Variants in SEH1L observed in about 807,000 individuals in gnomAD.
The protein encoded by SEH1L is SEH1 like nucleoporin.
Under a neutral mutation model 49.5 loss-of-function variants are expected in SEH1L, and 18 were observed. That is an observed-to-expected ratio of 0.36 (90% CI 0.25 to 0.54). The LOEUF (loss-of-function observed/expected upper bound fraction) is 0.54, where lower values mean the gene tolerates loss of function less well. Among genes scored for constraint, SEH1L ranks in the 20% least tolerant of loss-of-function variants. SEH1L has a pLI of 0.87. For missense variants in SEH1L, 404 were observed against 528.8 expected (o/e 0.76, Z 2.31); for synonymous variants, 169 against 178.1 (o/e 0.95, Z 0.41).
chr18:12,979,041 T>TA, intron 6 of SEH1L, 149 bp downstream of exon 6: 1 of 775,882 alleles, frequency 1.3e-6, no homozygotes, highest in Non-Finnish European at 2.0e-6. Flanking sequence ...AAATGTTTTT[T>TA]AAAAATGGTC....
intron 3 of SEH1L, among the ~76,000 whole-genome samples, chr18:12,957,707 A>G (rs1288041755): frequency 6.6e-6 from 1 of 152,210 alleles, no homozygotes; most frequent in Non-Finnish European, 1.5e-5. Flanking sequence ...AAACAAAAGG[A>G]AGTGTGTAGT....
intron 6 of SEH1L, 108 bp from the exon 7 acceptor site, chr18:12,982,410 C>A: frequency 1.3e-6 from 1 of 750,418 alleles, no homozygotes; most frequent in Non-Finnish European, 2.1e-6. Flanking sequence ...GTGGCGAGAC[C>A]ACTTGTATTA....
Position 12,963,176 on chromosome 18 carries a change from T to C in SEH1L, c.326T>C (p.Leu109Pro), listed in dbSNP as rs2031276234. ...GQSHWVKRTT[L>P]VDSRTSVTDV... ...TTTTTTTAGGTTAAAAGGACAACTC[T>C]GGTGGATAGCAGAACATCTGTTACT... The change falls in exon 4 of 9, where the codon CTG becomes CCG. Residue 109 changes from leucine (L) to proline (P), a missense_variant. By Grantham distance (98) the Leu-to-Pro change is moderately conservative (BLOSUM62 -3). Transcript: ENST00000399892. The C allele has an allele frequency of 6.2e-7, 1 of 1,612,472 alleles. No homozygotes were observed. Among genetic ancestry groups the C allele is most frequent in the South Asian group, 1.1e-5 (1 of 90,868 alleles).
intron 8 of SEH1L, chr18:12,985,692 A>C (rs1440134037): frequency 8.4e-6 from 8 of 947,420 alleles, no homozygotes; most frequent in Non-Finnish European, 1.0e-5. Context: ...TTTTAATTTG[A>C]AGATTGAATA....
chr18:12,982,691 A>AGG lies in SEH1L; in HGVS notation c.919+19_919+20dup. The AGG allele has an allele frequency of 6.3e-7, 1 of 1,578,012 alleles. No homozygotes were observed. The highest frequency in any genetic ancestry group is 8.6e-7 in the Non-Finnish European group (1 of 1,159,964). Reference sequence around the variant, plus strand: ...TTGTGGAAAGGTAAGAGTTCAGTGAAGGGGTAATTGTTGGTTTATATTTCT... The same window carrying AGG: ...TTGTGGAAAGGTAAGAGTTCAGTGAAGGGGGGTAATTGTTGGTTTATATTTCT... On this transcript the variant is annotated intron_variant, in intron 7 of 8. Transcript: ENST00000399892.
intron 7 of SEH1L, 120 bp downstream of exon 7, chr18:12,982,795 ATTAAT>A (rs2032324140): frequency 3.0e-6 from 2 of 677,772 alleles, no homozygotes; most frequent in African/African-American, 5.4e-5. Flanking sequence ...TTAATGTCAT[ATTAAT>A]TTATGTTATT....
At chr18:12,969,750 G>C (rs12961596) in intron 4 of SEH1L, among the ~76,000 whole-genome samples, 59,059 of 150,842 alleles carry the variant, frequency 0.39, 11,790 homozygotes, top group Middle Eastern at 0.48. Flanking sequence ...TTTGTGGCCA[G>C]GTGTGGTGGT....
At chr18:12,958,879 C>G (rs1015113790) in intron 3 of SEH1L, among the ~76,000 whole-genome samples, 2 of 152,180 alleles carry the variant, frequency 1.3e-5, no homozygotes, top group African/African-American at 4.8e-5. Flanking sequence ...AGTAGAATTG[C>G]TGGCTCATAT....
chr18:12,980,380 C>T (rs574495378), intron 6 of SEH1L, among the ~76,000 whole-genome samples: 3 of 118,814 alleles, frequency 2.5e-5, no homozygotes, highest in South Asian at 6.8e-4. Flanking sequence ...GCTGACCCCC[C>T]CACCTCCCTC....
intron 1 of SEH1L, among the ~76,000 whole-genome samples, chr18:12,950,278 C>T (rs544647932): frequency 6.6e-6 from 1 of 152,264 alleles, no homozygotes; most frequent in African/African-American, 2.4e-5. Flanking sequence ...TCAAGTGATC[C>T]TCTCACCTCA....
intron 1 of SEH1L, 122 bp downstream of exon 1, chr18:12,948,354 G>T: frequency 1.4e-6 from 1 of 734,150 alleles, no homozygotes; most frequent in South Asian, 1.7e-5. Flanking sequence ...GGGGTGGCGG[G>T]CGAGCCCTGG....
intron 3 of SEH1L, among the ~76,000 whole-genome samples, chr18:12,960,143 A>G (rs1315784937): frequency 1.3e-5 from 2 of 152,116 alleles, no homozygotes; most frequent in African/African-American, 4.8e-5. Flanking sequence ...AAAGCCATTC[A>G]TTTCTTCTGG....
intron 4 of SEH1L, among the ~76,000 whole-genome samples, chr18:12,964,973 GCTTCCCCCTCACATTGCCC>G (rs1372790257): frequency 3.5e-5 from 5 of 144,104 alleles, no homozygotes. Context: ...TTAGTTTATT[GCTTCCCCCTCACATTGCCC>G]CTTCCATTTC....
intron 1 of SEH1L, 44 bp from the exon 2 acceptor site, chr18:12,951,811 G>T: frequency 2.5e-6 from 3 of 1,191,606 alleles, no homozygotes; most frequent in Non-Finnish European, 2.5e-6. Context: ...GTATCAATTT[G>T]TAGGAATTTT....
chr18:12,981,798 T>C (rs186203063), intron 6 of SEH1L, among the ~76,000 whole-genome samples: 1 of 151,648 alleles, frequency 6.6e-6, no homozygotes, highest in Non-Finnish European at 1.5e-5. Context: ...AATTGTGAAT[T>C]TCAGTTCTTT....
chr18:12,985,382 C>T, intron 8 of SEH1L: 1 of 1,432,030 alleles, frequency 7.0e-7, no homozygotes, highest in Non-Finnish European at 9.2e-7. Flanking sequence ...AGCCTGCTTA[C>T]TACTAAACGC....
At chr18:12,979,894 G>A (rs866882040) in intron 6 of SEH1L, among the ~76,000 whole-genome samples, 8 of 99,586 alleles carry the variant, frequency 8.0e-5, no homozygotes, top group South Asian at 3.5e-4. Flanking sequence ...CACCTCCTTC[G>A]CGGACGGGGC....
chr18:12,983,582 T>C (rs1034972762), intron 7 of SEH1L, among the ~76,000 whole-genome samples: 2 of 152,228 alleles, frequency 1.3e-5, no homozygotes, highest in Non-Finnish European at 2.9e-5. Flanking sequence ...GATAAGCCAC[T>C]GAAGCTCCAA....
chr18:12,948,023 G>A lies in SEH1L; in HGVS notation c.-99G>A. 2.5e-6 allele frequency: 2 copies of A among 806,188 alleles called. No homozygotes were observed. The highest frequency in any genetic ancestry group is 3.9e-6 in the Non-Finnish European group (2 of 506,884). The allele number at this position is 806,188 out of a possible 1,614,324, so 49.9% of individuals were successfully genotyped here. ...CGGGGGCGTGGGCAGCACAAGCCGTGCGCTCCCGGGCTGCGAGGTCTGGCT... is the reference window on the plus strand; with the variant it reads ...CGGGGGCGTGGGCAGCACAAGCCGTACGCTCCCGGGCTGCGAGGTCTGGCT... On this transcript the variant is annotated 5_prime_UTR_variant, in exon 1 of 9. Transcript: ENST00000399892.
Sources: gnomAD v4.1 joint callset for allele counts (sites outside exome capture counted in the v4.1 genomes callset) on GRCh38, gnomAD v4.1.1 for gene constraint, MANE v1.5 for transcripts, NCBI Gene and HGNC (gene_info 2026-07-23, HGNC 2026-07-21) for gene names.